The following DIP2C variants were observed in gnomAD, a reference collection of about 807,000 sequenced individuals.
DIP2C encodes DIP2 acetate--CoA ligase C (putative), also known as disco-interacting protein 2 homolog C.
Under a neutral mutation model 192.4 loss-of-function variants are expected in DIP2C, and 33 were observed. That is an observed-to-expected ratio of 0.17 (90% CI 0.13 to 0.23). The LOEUF is 0.23. Among genes scored for constraint, DIP2C ranks in the 10% least tolerant of loss-of-function variants. The probability of loss-of-function intolerance (pLI) is 1.00; values close to 1 mark genes in which losing one functional copy is unlikely to be tolerated. For synonymous variants in DIP2C, 979 were observed against 864.1 expected (o/e 1.13, Z -2.33); for missense variants, 1,537 against 2,110.1 (o/e 0.73, Z 5.32).
chr10:397,516 C>T (rs1302657232), intron 10 of DIP2C, among the ~76,000 whole-genome samples: 1 of 133,318 alleles, frequency 7.5e-6, no homozygotes, highest in Non-Finnish European at 1.6e-5. Context: ...GGAGACACAG[C>T]GACTCCATCT....
intron 1 of DIP2C, among the ~76,000 whole-genome samples, chr10:640,360 C>T (rs944874688): frequency 3.3e-5 from 5 of 152,256 alleles, no homozygotes; most frequent in African/African-American, 1.2e-4. Context: ...GAAATCACCG[C>T]AGCCTTACCT....
intron 1 of DIP2C, among the ~76,000 whole-genome samples, chr10:591,216 C>G (rs949345983): frequency 6.6e-6 from 1 of 152,104 alleles, no homozygotes; most frequent in Admixed American, 6.5e-5. Context: ...TCTGCACCTT[C>G]CCGGTACAAG....
chr10:471,054 GAGA>G (rs1382718706), intron 3 of DIP2C, among the ~76,000 whole-genome samples: 1 of 152,160 alleles, frequency 6.6e-6, no homozygotes, highest in Non-Finnish European at 1.5e-5. Flanking sequence ...ACATGAGTAA[GAGA>G]AGGTCTCAAT....
intron 1 of DIP2C, among the ~76,000 whole-genome samples, chr10:591,649 C>G (rs998463812): frequency 6.6e-6 from 1 of 152,210 alleles, no homozygotes; most frequent in African/African-American, 2.4e-5. Context: ...ATACAACTTC[C>G]CTTTTCATCT....
intron 1 of DIP2C, among the ~76,000 whole-genome samples, chr10:671,591 T>C (rs1173921969): frequency 9.2e-4 from 26 of 28,304 alleles, no homozygotes; most frequent in African/African-American, 2.4e-3. Flanking sequence ...GGAGGAAACG[T>C]CACAGACGCA....
intron 1 of DIP2C, among the ~76,000 whole-genome samples, chr10:523,423 T>G (rs984920195): frequency 1.6e-5 from 2 of 127,938 alleles, no homozygotes; most frequent in Non-Finnish European, 3.3e-5. Context: ...GGAGTGAAGA[T>G]GCAGGGGCTC....
At chr10:467,143 A>G (rs1006841731) in intron 3 of DIP2C, among the ~76,000 whole-genome samples, 1 of 152,148 alleles carries the variant, frequency 6.6e-6, no homozygotes, top group Non-Finnish European at 1.5e-5. Flanking sequence ...CAAATGTCCA[A>G]CAATGATAGA....
At chr10:495,818 C>T (rs1844788661) in intron 1 of DIP2C, among the ~76,000 whole-genome samples, 1 of 151,856 alleles carries the variant, frequency 6.6e-6, no homozygotes, top group Non-Finnish European at 1.5e-5. Context: ...CTCTACATTA[C>T]TCTCAATACC....
intron 13 of DIP2C, among the ~76,000 whole-genome samples, chr10:388,359 T>C (rs1278961129): frequency 6.6e-6 from 1 of 152,032 alleles, no homozygotes; most frequent in Non-Finnish European, 1.5e-5. Flanking sequence ...CTTGATGAGG[T>C]TTACCATCAC....
At chr10:418,193 G>GCT (rs1564687133) in intron 6 of DIP2C, among the ~76,000 whole-genome samples, 2 of 75,058 alleles carry the variant, frequency 2.7e-5, no homozygotes, top group Non-Finnish European at 5.0e-5. Flanking sequence ...ACCTGTCAGG[G>GCT]CGCGGACAGG....
At chr10:592,358 A>G (rs879640349) in intron 1 of DIP2C, among the ~76,000 whole-genome samples, 2 of 152,168 alleles carry the variant, frequency 1.3e-5, no homozygotes, top group Non-Finnish European at 2.9e-5. Flanking sequence ...TCTTCTACAA[A>G]AAATCCTGAA....
chr10:596,881 C>T (rs1461781480), intron 1 of DIP2C, among the ~76,000 whole-genome samples: 6 of 152,250 alleles, frequency 3.9e-5, no homozygotes, highest in South Asian at 2.1e-4. Context: ...TCAAGCTCAC[C>T]AAGGCGATGA....
At chr10:530,259 T>G (rs1847286047) in intron 1 of DIP2C, among the ~76,000 whole-genome samples, 1 of 152,230 alleles carries the variant, frequency 6.6e-6, no homozygotes, top group Non-Finnish European at 1.5e-5. Flanking sequence ...ACCAAGGGTT[T>G]TGTTCCTTAT....
intron 1 of DIP2C, among the ~76,000 whole-genome samples, chr10:521,545 G>A (rs1022289198): frequency 2.6e-5 from 4 of 152,178 alleles, no homozygotes; most frequent in Admixed American, 2.0e-4. Flanking sequence ...GAGCATCACT[G>A]CACCTGTAAG....
intron 4 of DIP2C, among the ~76,000 whole-genome samples, chr10:438,633 C>A (rs376534777): frequency 6.6e-5 from 10 of 150,788 alleles, no homozygotes; most frequent in Middle Eastern, 3.5e-3. Context: ...TGGGACTATG[C>A]GCACACACCA....
intron 1 of DIP2C, among the ~76,000 whole-genome samples, chr10:580,132 A>G (rs568570860): frequency 6.6e-6 from 1 of 152,310 alleles, no homozygotes; most frequent in East Asian, 1.9e-4. Context: ...ATATACATGC[A>G]TATAGTGTAC....
chr10:414,725 G>GTATATA (rs1340908987), intron 7 of DIP2C, among the ~76,000 whole-genome samples: 5 of 69,720 alleles, frequency 7.2e-5, no homozygotes, highest in African/African-American at 2.8e-4. Context: ...GTGTGTGTGT[G>GTATATA]TGTGTGTGTG....
chr10:609,416 G>A (rs537637498), intron 1 of DIP2C, among the ~76,000 whole-genome samples: 4 of 152,142 alleles, frequency 2.6e-5, no homozygotes, highest in African/African-American at 9.7e-5. Flanking sequence ...AACAATACTG[G>A]AGCAAGCTTG....
chr10:585,174 G>A (rs1202672650), intron 1 of DIP2C, among the ~76,000 whole-genome samples: 5 of 152,188 alleles, frequency 3.3e-5, no homozygotes, highest in East Asian at 1.9e-4. Flanking sequence ...TGACCTCTAT[G>A]AGCCCGGAGA....
Sources: gnomAD v4.1 joint callset for allele counts (sites outside exome capture counted in the v4.1 genomes callset) on GRCh38, gnomAD v4.1.1 for gene constraint, MANE v1.5 for transcripts, NCBI Gene and HGNC (gene_info 2026-07-23, HGNC 2026-07-21) for gene names.